Variants in IL31RA observed in about 807,000 individuals in gnomAD.
IL31RA encodes the protein interleukin 31 receptor A.
In IL31RA, 66 loss-of-function variants were observed where a neutral mutation model predicts 83.7. The observed-to-expected ratio is 0.79, with a 90% CI of 0.65 to 0.97. IL31RA has a LOEUF of 0.97. Ranked by LOEUF, IL31RA falls within the 50% of genes least tolerant of loss-of-function variation. IL31RA has a pLI of 0.00. For missense variants in IL31RA, 798 were observed against 919.4 expected, an observed-to-expected ratio of 0.87 and a Z score of 1.71; for synonymous variants, 325 against 329.0, an observed-to-expected ratio of 0.99 and a Z score of 0.13.
intron 4 of IL31RA, among the ~76,000 whole-genome samples, chr5:55,881,963 A>G (rs190655759): frequency 2.8e-4 from 42 of 152,080 alleles, no homozygotes; most frequent in Non-Finnish European, 4.9e-4. Context: ...TGCCTGCCTC[A>G]GCCTCCCAAA....
intron 4 of IL31RA, among the ~76,000 whole-genome samples, chr5:55,874,650 C>T (rs6877280): frequency 0.48 from 73,455 of 151,838 alleles, 17,993 homozygotes; most frequent in South Asian, 0.6. Context: ...AATGGAATTG[C>T]TTTCTTAATT....
At position 55,917,520 on chromosome 5, in the gene IL31RA, C is replaced by G. The variant is rs1162297802; in HGVS notation, c.*400C>G. On this transcript the variant is annotated 3_prime_UTR_variant, in exon 15 of 15. Coordinates refer to ENST00000652347, the MANE Select transcript of IL31RA (RefSeq NM_139017.7). ...GGCTGAGCCTCAGAGTTCCAGAAGGCCTTTCCCTGCTGCCAGAGGACAGTT... is the reference window on the plus strand; with the variant it reads ...GGCTGAGCCTCAGAGTTCCAGAAGGGCTTTCCCTGCTGCCAGAGGACAGTT... 6.6e-6 allele frequency among the ~76,000 whole-genome samples: 1 copy of G among 152,102 alleles called. No individual in the cohort carries two copies. Among genetic ancestry groups the G allele is most frequent in the Admixed American group, 6.6e-5 (1 of 15,262 alleles).
intron 7 of IL31RA, among the ~76,000 whole-genome samples, chr5:55,897,271 G>A (rs571885286): frequency 1.3e-5 from 2 of 150,932 alleles, no homozygotes; most frequent in South Asian, 4.2e-4. Context: ...ATCTCACATT[G>A]GTTGGCCAGC....
intron 11 of IL31RA, among the ~76,000 whole-genome samples, chr5:55,909,631 A>C (rs1457875838): frequency 4.0e-5 from 6 of 151,792 alleles, no homozygotes; most frequent in African/African-American, 1.5e-4. Context: ...TGTAGTGGTT[A>C]TCTCATTGAC....
At position 55,921,049 on chromosome 5, in the gene IL31RA, G is replaced by A. The variant is rs2112612081; in HGVS notation, c.*3929G>A. Among the ~76,000 whole-genome samples the A allele has an allele frequency of 6.6e-6, 1 of 152,312 alleles. No individual in the cohort carries two copies. Among genetic ancestry groups the A allele is most frequent in the African/African-American group, 2.4e-5 (1 of 41,568 alleles). On this transcript the variant is annotated 3_prime_UTR_variant, in exon 15 of 15. Coordinates refer to ENST00000652347, the MANE Select transcript of IL31RA (RefSeq NM_139017.7). ...AACAAAGAATTATCTGGCAGAAAAT[G>A]TCAGCAGTGCTGAGGCTGAGAAGTC...
chr5:55,905,357 C>A (rs1233502514), intron 8 of IL31RA, among the ~76,000 whole-genome samples: 1 of 152,134 alleles, frequency 6.6e-6, no homozygotes, highest in African/African-American at 2.4e-5. Flanking sequence ...TTGTACCTTC[C>A]ACCTCTGCCT....
rs1238155781 is a variant in IL31RA at position 55,896,367 on chromosome 5, CT to C, written c.791del (p.Leu264ArgfsTer5). 6.2e-7 allele frequency: 1 copy of C among 1,613,316 alleles called. No individual in the cohort carries two copies. The highest frequency in any genetic ancestry group is 1.1e-5 in the South Asian group (1 of 91,064). Reference sequence around the variant, plus strand: ...CCTTACAGCTCCATGTGGCCTGGAACTGTGGAGAGTCCTGAAACCAGCTGAG... The same window carrying C: ...CCTTACAGCTCCATGTGGCCTGGAACGTGGAGAGTCCTGAAACCAGCTGAG... ...TEEEAPCGLE[L>X]WRVLKPAEAD... On this transcript the variant is annotated frameshift_variant, in exon 7 of 15. Transcript: ENST00000652347. LOFTEE classifies it high-confidence loss of function.
At chr5:55,881,567 C>A (rs1747227981) in intron 4 of IL31RA, among the ~76,000 whole-genome samples, 1 of 151,878 alleles carries the variant, frequency 6.6e-6, no homozygotes, top group South Asian at 2.1e-4. Flanking sequence ...GGTGAGCATG[C>A]GCAGTGTATT....
chr5:55,844,197 T>A, the IL31RA span, among the ~76,000 whole-genome samples: 1 of 152,050 alleles, frequency 6.6e-6, no homozygotes, highest in Non-Finnish European at 1.5e-5. Context: ...ATATTTAAAG[T>A]GTTAAGAGAA....
intron 1 of IL31RA, among the ~76,000 whole-genome samples, chr5:55,855,316 A>AAAATAT (rs1554083865): frequency 6.9e-6 from 1 of 145,832 alleles, no homozygotes; most frequent in African/African-American, 2.5e-5. Context: ...GATAATTTAA[A>AAAATAT]ATATATATAT....
Position 55,900,004 on chromosome 5 carries a change from T to C in IL31RA, c.941T>C (p.Met314Thr). ...AGCAACACTAACCTCACAGAAACAATGAACACTACTAACCAGCAGCTTGAA... is the reference window on the plus strand; with the variant it reads ...AGCAACACTAACCTCACAGAAACAACGAACACTACTAACCAGCAGCTTGAA... ...PESNTNLTET[M>T]NTTNQQLELH... Residue 314 changes from methionine to threonine, a missense_variant, in exon 8 of 15, where the codon ATG becomes ACG. By Grantham distance (81) the Met-to-Thr change is moderately conservative. Transcript: ENST00000652347. The C allele has an allele frequency of 6.2e-7, 1 of 1,614,052 alleles. No homozygotes were observed. Among genetic ancestry groups the C allele is most frequent in the South Asian group, 1.1e-5 (1 of 91,082 alleles).
At chr5:55,869,339 A>G (rs2112367589) in intron 3 of IL31RA, among the ~76,000 whole-genome samples, 1 of 152,326 alleles carries the variant, frequency 6.6e-6, no homozygotes, top group East Asian at 1.9e-4. Context: ...ACTATTCCAC[A>G]GGACAATGAT....
chr5:55,895,254 G>A (rs980283566), intron 6 of IL31RA, among the ~76,000 whole-genome samples: 3 of 152,146 alleles, frequency 2.0e-5, no homozygotes, highest in East Asian at 1.9e-4. Flanking sequence ...TAGCCGTCTC[G>A]ACATTTGTTT....
Position 55,918,424 on chromosome 5 carries a change from G to A in IL31RA, c.*1304G>A, listed in dbSNP as rs1249276151. Among the ~76,000 whole-genome samples the A allele has an allele frequency of 6.6e-6, 1 of 152,172 alleles. No individual in the cohort carries two copies. The highest frequency in any genetic ancestry group is 2.4e-5 in the African/African-American group (1 of 41,448). On this transcript the variant is annotated 3_prime_UTR_variant, in exon 15 of 15. Coordinates refer to ENST00000652347, the MANE Select transcript of IL31RA (RefSeq NM_139017.7). ...TTCCTAAAACTAAAATTAATTGCCAGCCTGAGACCTGACACTTCAAAGTAA... is the reference window on the plus strand; with the variant it reads ...TTCCTAAAACTAAAATTAATTGCCAACCTGAGACCTGACACTTCAAAGTAA...
intron 2 of IL31RA, among the ~76,000 whole-genome samples, chr5:55,868,494 T>C (rs536323870): frequency 6.6e-6 from 1 of 152,364 alleles, no homozygotes; most frequent in African/African-American, 2.4e-5. Flanking sequence ...ATATCACAAA[T>C]ACTTTGTATG....
intron 2 of IL31RA, among the ~76,000 whole-genome samples, chr5:55,864,546 TACAC>T (rs1255294055): frequency 1.5e-5 from 2 of 134,624 alleles, no homozygotes; most frequent in Non-Finnish European, 3.2e-5. Flanking sequence ...TCACACACAC[TACAC>T]ACACCACACA....
Position 55,913,465 on chromosome 5 carries a change from T to C in IL31RA, c.1643-12T>C. 1.3e-6 allele frequency: 2 copies of C among 1,583,902 alleles called. No individual in the cohort carries two copies. Among genetic ancestry groups the C allele is most frequent in the Non-Finnish European group, 1.7e-6 (2 of 1,152,504 alleles). ...GAACTCACTACTGACTTTTGTTCTT[T>C]GTTTTTCAAAGGTGTCTTTGAGATT... On this transcript the variant is annotated splice_polypyrimidine_tract_variant and intron_variant, in intron 12 of 14. Coordinates refer to ENST00000652347, the MANE Select transcript of IL31RA (RefSeq NM_139017.7).
At chr5:55,852,020 C>CTA (rs1049008667) in intron 1 of IL31RA, among the ~76,000 whole-genome samples, 21 of 152,238 alleles carry the variant, frequency 1.4e-4, no homozygotes, top group African/African-American at 4.6e-4. Flanking sequence ...AACCAGAATT[C>CTA]TATTTAATAC....
chr5:55,913,494 C>T lies in IL31RA; in HGVS notation c.1660C>T (p.Leu554Phe). The change falls in exon 13 of 15, where the codon CTC becomes TTC. Residue 554 changes from leucine to phenylalanine, a missense_variant. By Grantham distance (22) the Leu-to-Phe change is conservative. Coordinates refer to ENST00000652347, the MANE Select transcript of IL31RA (RefSeq NM_139017.7). Reference sequence around the variant, plus strand: ...TTTCAAAGGTGTCTTTGAGATTATCCTCATAACTTCTCTGATTGGTGGAGG... The same window carrying T: ...TTTCAAAGGTGTCTTTGAGATTATCTTCATAACTTCTCTGATTGGTGGAGG... ...TLSFSVFEII[L>F]ITSLIGGGLL... is the part of the protein sequence containing the mutation. 3 of 1,612,198 alleles carry T rather than the reference C, an allele frequency of 1.9e-6. No individual in the cohort carries two copies. Among genetic ancestry groups the T allele is most frequent in the Non-Finnish European group, 2.5e-6 (3 of 1,178,312 alleles).
Sources: gnomAD v4.1 joint callset for allele counts (sites outside exome capture counted in the v4.1 genomes callset) on GRCh38, gnomAD v4.1.1 for gene constraint, MANE v1.5 for transcripts, NCBI Gene and HGNC (gene_info 2026-07-23, HGNC 2026-07-21) for gene names.